Variants in MAGI2 observed in about 807,000 individuals in gnomAD.
MAGI2 encodes membrane-associated guanylate kinase, WW and PDZ domain-containing protein 2.
MAGI2 carries 35 observed loss-of-function variants against 133.3 expected under a neutral mutation model. That is an observed-to-expected ratio of 0.26 (90% CI 0.20 to 0.35). The LOEUF is 0.35. Ranked by LOEUF, MAGI2 falls within the 10% of genes least tolerant of loss-of-function variation. The pLI is 1.00. For missense variants in MAGI2, 1,636 were observed against 1,863.4 expected (o/e 0.88, Z 2.25); for synonymous variants, 729 against 710.6 (o/e 1.03, Z -0.41).
intron 9 of MAGI2, among the ~76,000 whole-genome samples, chr7:78,305,527 A>G (rs1260502950): frequency 6.6e-6 from 1 of 152,180 alleles, no homozygotes; most frequent in Non-Finnish European, 1.5e-5. Flanking sequence ...TACTCAATAC[A>G]GATTGCTACT....
intron 1 of MAGI2, among the ~76,000 whole-genome samples, chr7:79,451,323 T>C (rs1849229288): frequency 6.6e-6 from 1 of 152,204 alleles, no homozygotes; most frequent in African/African-American, 2.4e-5. Context: ...GGTCATTAGT[T>C]GTGTAGTAGA....
intron 20 of MAGI2, among the ~76,000 whole-genome samples, chr7:78,079,623 T>A (rs1451992850): frequency 6.6e-6 from 1 of 152,176 alleles, no homozygotes; most frequent in Non-Finnish European, 1.5e-5. Context: ...TAAACAGTGG[T>A]TGGTTGGTAT....
rs144806630 is a variant in MAGI2, at chr7:78,189,144, G to A, written c.2270-3474C>T. On this transcript the variant is annotated intron_variant, in intron 12 of 21. Transcript: ENST00000354212. ...TGGTAGTTTAGAAATACAACCACCC[G>A]TTTGTGATCAGCCATGAATTACATG... 2.9e-3 allele frequency among the ~76,000 whole-genome samples: 446 copies of A among 152,162 alleles called. 2 individuals are homozygous for A. The highest frequency in any genetic ancestry group is 9.0e-3 in the African/African-American group (375 of 41,520).
At chr7:79,117,177 A>C (rs866013374) in intron 1 of MAGI2, among the ~76,000 whole-genome samples, 1 of 152,310 alleles carries the variant, frequency 6.6e-6, no homozygotes, top group Middle Eastern at 3.4e-3. Context: ...TTTAATGGAA[A>C]TTTAAATTTT....
chr7:79,151,086 T>A (rs1221765483), intron 1 of MAGI2, among the ~76,000 whole-genome samples: 4 of 152,140 alleles, frequency 2.6e-5, no homozygotes, highest in African/African-American at 9.7e-5. Flanking sequence ...CAGTGCTGCT[T>A]CTGTTATTGA....
intron 3 of MAGI2, among the ~76,000 whole-genome samples, chr7:78,523,708 G>T (rs1212930627): frequency 6.6e-6 from 1 of 152,070 alleles, no homozygotes; most frequent in Admixed American, 6.5e-5. Context: ...ATCAGATCTT[G>T]TGAGAACTCA....
intron 4 of MAGI2, among the ~76,000 whole-genome samples, chr7:78,507,434 G>A (rs1461394156): frequency 6.6e-6 from 1 of 152,116 alleles, no homozygotes; most frequent in African/African-American, 2.4e-5. Context: ...GGGGAACTGA[G>A]CCAAGAAGGT....
At chr7:79,415,320 T>C (rs1846423549) in intron 1 of MAGI2, 1 of 152,116 alleles carries the variant, frequency 6.6e-6, no homozygotes, top group African/African-American at 2.4e-5. Flanking sequence ...GAGGCTGTAC[T>C]CCTATGAAGC....
At position 78,741,423 on chromosome 7, in the gene MAGI2, AC is replaced by A. The variant is rs1563439118; in HGVS notation, c.419-114185del. 2.5e-3 allele frequency among the ~76,000 whole-genome samples: 254 copies of A among 102,672 alleles called. 2 individuals carry two copies. Among genetic ancestry groups the A allele is most frequent in the Middle Eastern group, 0.01 (2 of 200 alleles). 67.4% of individuals were successfully genotyped at this position (102,672 alleles called of 152,430 possible). On this transcript the variant is annotated intron_variant, in intron 2 of 21. Transcript: ENST00000354212. The stretch of plus-strand genomic sequence containing the variant: ...CACACACACACACACACACACACAC[AC>A]ACACGGGAGGGGGGTTAGATCATAA...
At chr7:79,030,436 G>T (rs1371295412) in intron 1 of MAGI2, 1 of 152,182 alleles carries the variant, frequency 6.6e-6, no homozygotes, top group Admixed American at 6.5e-5. Context: ...GGACAAGGAG[G>T]TATTTTGCTT....
Position 79,453,357 on chromosome 7 carries a change from T to C in MAGI2, c.-37A>G. Reference sequence around the variant, plus strand: ...GAGTCGCCTCAGTTCCTGGGCTCCTTGGGGTTAGGGGGGCTGGTGGTGAGA... The same window carrying C: ...GAGTCGCCTCAGTTCCTGGGCTCCTCGGGGTTAGGGGGGCTGGTGGTGAGA... On this transcript the variant is annotated 5_prime_UTR_variant, in exon 1 of 22. Transcript: ENST00000354212. 1 of 1,569,360 alleles carries C rather than the reference T, an allele frequency of 6.4e-7. No homozygotes were observed. Among genetic ancestry groups the C allele is most frequent in the South Asian group, 1.2e-5 (1 of 83,686 alleles).
Position 78,256,480 on chromosome 7 carries a change from G to A in MAGI2, c.1510C>T (p.Leu504=), listed in dbSNP as rs571878580. The change falls in exon 10 of 22, where the codon CTG becomes TTG. Residue 504 remains leucine (L), a synonymous_variant. Coordinates refer to ENST00000354212, the MANE Select transcript of MAGI2 (RefSeq NM_012301.4). ...AAAGGGTAGCCACGACACAACACCA[G>A]GTTGACACTCTGACCAATAGGAACA... ...QSVPIGQSVN[L]VLCRGYPLPF... The A allele has an allele frequency of 6.2e-7, 1 of 1,613,926 alleles. No homozygotes were observed. Among genetic ancestry groups the A allele is most frequent in the South Asian group, 1.1e-5 (1 of 91,078 alleles).
chr7:78,329,456 C>T (rs139040406), intron 9 of MAGI2, among the ~76,000 whole-genome samples: 2,249 of 152,296 alleles, frequency 0.015, 66 homozygotes, highest in African/African-American at 0.051. Context: ...ATTCCACATA[C>T]CTGTGGATGA....
At chr7:78,641,723 A>G (rs577706418) in intron 2 of MAGI2, among the ~76,000 whole-genome samples, 55 of 152,230 alleles carry the variant, frequency 3.6e-4, no homozygotes, top group Non-Finnish European at 2.4e-4. Flanking sequence ...AAAACAACCA[A>G]CCAGGTAGCT....
chr7:78,230,040 A>G (rs1015078182), intron 10 of MAGI2, among the ~76,000 whole-genome samples: 2 of 152,192 alleles, frequency 1.3e-5, no homozygotes, highest in African/African-American at 4.8e-5. Context: ...GAATCGACAC[A>G]TTGTCCTTTT....
chr7:79,346,873 A>G (rs893367287), intron 1 of MAGI2, among the ~76,000 whole-genome samples: 36 of 152,006 alleles, frequency 2.4e-4, no homozygotes, highest in African/African-American at 8.2e-4. Flanking sequence ...GATGTGTTCT[A>G]TACAACTGAT....
chr7:78,458,297 A>AAAAAAAGAAAAAAAAAAAAG (rs535473320), intron 6 of MAGI2, among the ~76,000 whole-genome samples: 1 of 147,316 alleles, frequency 6.8e-6, no homozygotes, highest in African/African-American at 2.5e-5. Context: ...TCGGTCTCAA[A>AAAAAAAGAAAAAAAAAAAAG]AAAAAAAAAA....
chr7:79,263,473 T>C (rs1834220739), intron 1 of MAGI2, among the ~76,000 whole-genome samples: 1 of 152,206 alleles, frequency 6.6e-6, no homozygotes, highest in African/African-American at 2.4e-5. Flanking sequence ...GTATACATTG[T>C]TAAAATACAG....
At chr7:79,368,561 A>G (rs895721457) in intron 1 of MAGI2, among the ~76,000 whole-genome samples, 2 of 152,184 alleles carry the variant, frequency 1.3e-5, no homozygotes, top group South Asian at 4.1e-4. Context: ...TAAAATGTCT[A>G]TTGTAGGCCA....
Sources: allele counts gnomAD v4.1 joint callset (sites outside exome capture counted in the v4.1 genomes callset), GRCh38; gene constraint gnomAD v4.1.1; transcripts MANE v1.5; gene names NCBI Gene and HGNC (gene_info 2026-07-23, HGNC 2026-07-21).